Variants in SERPINI1 observed in about 807,000 individuals in gnomAD.
SERPINI1 encodes neuroserpin.
SERPINI1 carries 19 observed loss-of-function variants against 41.1 expected under a neutral mutation model. The ratio of observed to expected loss-of-function variants is 0.46; its 90% CI spans 0.32 to 0.68. SERPINI1 has a LOEUF of 0.68. Among genes scored for constraint, SERPINI1 ranks in the 30% least tolerant of loss-of-function variants. The pLI is 0.03. For missense variants in SERPINI1, 460 were observed against 479.2 expected (o/e 0.96, Z 0.37); for synonymous variants, 138 against 156.6 (o/e 0.88, Z 0.89).
intron 1 of SERPINI1, among the ~76,000 whole-genome samples, chr3:167,745,819 GA>G (rs1725846784): frequency 6.6e-6 from 1 of 151,898 alleles, no homozygotes; most frequent in Non-Finnish European, 1.5e-5. Context: ...GCATAAAAAG[GA>G]AATAAAATAC....
At chr3:167,785,476 T>C (rs972959296) in intron 1 of SERPINI1, among the ~76,000 whole-genome samples, 4 of 152,266 alleles carry the variant, frequency 2.6e-5, no homozygotes, top group Non-Finnish European at 4.4e-5. Flanking sequence ...GTTAGTTTAG[T>C]AGGTAAAACC....
chr3:167,780,408 C>G (rs969483643), intron 1 of SERPINI1, among the ~76,000 whole-genome samples: 4 of 152,118 alleles, frequency 2.6e-5, no homozygotes, highest in Non-Finnish European at 4.4e-5. Flanking sequence ...TGATAGCTTA[C>G]CGCCTAAGCA....
At chr3:167,807,465 T>C in intron 6 of SERPINI1, 124 bp downstream of exon 6, 2 of 659,706 alleles carry the variant, frequency 3.0e-6, no homozygotes, top group South Asian at 3.7e-5. Flanking sequence ...GCCAAATAAA[T>C]CTAGCATGAA....
At position 167,800,508 on chromosome 3, in the gene SERPINI1, A is replaced by G. The variant is rs566260813; in HGVS notation, c.881+5684A>G. ...TGTATATGCTTCCTTTTCAGTCTTT[A>G]CTGATATAGCTTAGATATAAAAAGA... On this transcript the variant is annotated intron_variant, in intron 5 of 8. Transcript: ENST00000446050. Among the ~76,000 whole-genome samples the G allele has an allele frequency of 7.2e-5, 11 of 152,244 alleles. No homozygotes were observed. The South Asian group carries it at 2.3e-3, about 32-fold the overall frequency.
chr3:167,739,274 T>A (rs927545240), intron 1 of SERPINI1, among the ~76,000 whole-genome samples: 2 of 152,174 alleles, frequency 1.3e-5, no homozygotes, highest in Admixed American at 6.5e-5. Context: ...CATAAAGAAA[T>A]TGAGTAACCA....
chr3:167,755,787 G>A (rs1726173973), intron 1 of SERPINI1, among the ~76,000 whole-genome samples: 1 of 142,116 alleles, frequency 7.0e-6, no homozygotes, highest in African/African-American at 2.7e-5. Context: ...ACAAGTAGGT[G>A]TTGCTGATTT....
At chr3:167,789,440 G>A (rs865977210) in intron 2 of SERPINI1, 62 bp downstream of exon 2, 1 of 1,583,384 alleles carries the variant, frequency 6.3e-7, no homozygotes. Context: ...CAGTTATGTT[G>A]TATTCTTATT....
chr3:167,790,321 C>A, intron 2 of SERPINI1, 51 bp from the exon 3 acceptor site: 1 of 1,357,208 alleles, frequency 7.4e-7, no homozygotes, highest in Non-Finnish European at 1.1e-6. Context: ...CTCTCCTTGA[C>A]ATTTCACCGT....
At chr3:167,763,868 T>C (rs565149704) in intron 1 of SERPINI1, among the ~76,000 whole-genome samples, 1 of 152,306 alleles carries the variant, frequency 6.6e-6, no homozygotes, top group African/African-American at 2.4e-5. Context: ...CTCTTTTTAA[T>C]AATAGGTTAT....
intron 1 of SERPINI1, among the ~76,000 whole-genome samples, chr3:167,777,934 GT>G (rs1276685702): frequency 6.6e-6 from 1 of 152,156 alleles, no homozygotes; most frequent in Non-Finnish European, 1.5e-5. Context: ...TATGGTAGGA[GT>G]TTGGCCTCCT....
At chr3:167,791,787 G>T (rs1381941698) in intron 3 of SERPINI1, among the ~76,000 whole-genome samples, 1 of 152,136 alleles carries the variant, frequency 6.6e-6, no homozygotes, top group Non-Finnish European at 1.5e-5. Context: ...GTATACACAG[G>T]GAAGAATTTG....
intron 1 of SERPINI1, among the ~76,000 whole-genome samples, chr3:167,787,816 G>A (rs1448460783): frequency 6.6e-6 from 1 of 152,238 alleles, no homozygotes; most frequent in Admixed American, 6.5e-5. Context: ...ACATGAAAAT[G>A]TGAAGGACTT....
rs191349167 is a variant in SERPINI1 at position 167,785,692 on chromosome 3, C to T, written c.-18-3419C>T. Among the ~76,000 whole-genome samples the T allele has an allele frequency of 6.6e-4, 101 of 152,202 alleles. No homozygotes were observed. The South Asian group carries it at 0.014, about 21-fold the overall frequency. Reference sequence around the variant, plus strand: ...CTATTATTATTATCATCTCATGGTACGTTCATTTGTAAACAAAAATGCCTG... The same window carrying T: ...CTATTATTATTATCATCTCATGGTATGTTCATTTGTAAACAAAAATGCCTG... On this transcript the variant is annotated intron_variant, in intron 1 of 8. Coordinates refer to ENST00000446050, the MANE Select transcript of SERPINI1 (RefSeq NM_001122752.2).
At chr3:167,815,318 C>T (rs1285258568) in intron 6 of SERPINI1, among the ~76,000 whole-genome samples, 1 of 151,560 alleles carries the variant, frequency 6.6e-6, no homozygotes, top group African/African-American at 2.4e-5. Flanking sequence ...AAGTTTGTCT[C>T]AAGAAAAAAA....
At chr3:167,805,464 C>A (rs1711593549) in intron 5 of SERPINI1, among the ~76,000 whole-genome samples, 1 of 152,130 alleles carries the variant, frequency 6.6e-6, no homozygotes, top group African/African-American at 2.4e-5. Context: ...GGATAGATTG[C>A]AAAAATTTCT....
intron 1 of SERPINI1, among the ~76,000 whole-genome samples, chr3:167,776,139 G>C (rs1196395939): frequency 6.6e-6 from 1 of 152,158 alleles, no homozygotes; most frequent in Non-Finnish European, 1.5e-5. Flanking sequence ...ATTAATGCCT[G>C]GCTTCGTTCC....
rs1206711288 is a variant in SERPINI1, at chr3:167,735,723, A to G, written c.-119A>G. On this transcript the variant is annotated 5_prime_UTR_variant, in exon 1 of 9. Coordinates refer to ENST00000446050, the MANE Select transcript of SERPINI1 (RefSeq NM_001122752.2). ...AAGCCAGAGGCGCAGTCTGGACTGTAGTTTCCCGGGAGAGACGAAAGCAGG... is the reference window on the plus strand; with the variant it reads ...AAGCCAGAGGCGCAGTCTGGACTGTGGTTTCCCGGGAGAGACGAAAGCAGG... 6.6e-6 allele frequency: 1 copy of G among 152,372 alleles called. No homozygotes were observed. Among genetic ancestry groups the G allele is most frequent in the Non-Finnish European group, 1.5e-5 (1 of 68,154 alleles). The allele number at this position is 152,372 out of a possible 1,614,324, so 9.4% of individuals were successfully genotyped here. A position where few individuals can be genotyped will look rare whatever the true frequency, so the allele number is the denominator to read the frequency against.
At chr3:167,759,778 T>C (rs934189252) in intron 1 of SERPINI1, among the ~76,000 whole-genome samples, 1 of 151,812 alleles carries the variant, frequency 6.6e-6, no homozygotes, top group East Asian at 1.9e-4. Context: ...AAAATAAAAA[T>C]AAATGAAGTA....
At chr3:167,801,040 A>T (rs978928999) in intron 5 of SERPINI1, among the ~76,000 whole-genome samples, 5 of 151,950 alleles carry the variant, frequency 3.3e-5, no homozygotes, top group African/African-American at 1.2e-4. Flanking sequence ...CTGGTCTCGA[A>T]CTCCTGACCT....
Sources: gnomAD v4.1 joint callset for allele counts (sites outside exome capture counted in the v4.1 genomes callset) on GRCh38, gnomAD v4.1.1 for gene constraint, MANE v1.5 for transcripts, NCBI Gene and HGNC (gene_info 2026-07-23, HGNC 2026-07-21) for gene names.